The following CIMIP2A variants were observed in gnomAD, a reference collection of about 807,000 sequenced individuals.
CIMIP2A encodes the protein ciliary microtubule inner protein 2A, also known as family with sequence similarity 166 member A.
chr9:137,245,718 G>A, the CIMIP2A span: 3 of 1,603,412 alleles, frequency 1.9e-6, no homozygotes, highest in Non-Finnish European at 1.7e-6. Flanking sequence ...AGTCCTCAAT[G>A]AACTTGGGTT....
At chr9:137,248,218 C>A in the CIMIP2A span, among the ~76,000 whole-genome samples, 540 of 152,248 alleles carry the variant, frequency 3.5e-3, 6 homozygotes, top group African/African-American at 0.012. Flanking sequence ...GAATTTTGTT[C>A]TTTTTTTGTA....
chr9:137,243,845 C>CT, the CIMIP2A span: 1 of 1,573,314 alleles, frequency 6.4e-7, no homozygotes. Context: ...CCAGCATGGG[C>CT]TGGACACCCA....
chr9:137,245,509 A>G, the CIMIP2A span: 2 of 1,613,770 alleles, frequency 1.2e-6, no homozygotes, highest in Non-Finnish European at 1.7e-6. Flanking sequence ...GTCCACCTCC[A>G]AGGGTGGGAG....
the CIMIP2A span, chr9:137,243,890 G>A: frequency 7.7e-7 from 1 of 1,299,980 alleles, no homozygotes; most frequent in African/African-American, 1.5e-5. Context: ...CCTGGGCCCT[G>A]GGTATCTGCT....
At chr9:137,247,160 C>T in the CIMIP2A span, among the ~76,000 whole-genome samples, 1 of 152,194 alleles carries the variant, frequency 6.6e-6, no homozygotes, top group Non-Finnish European at 1.5e-5. Context: ...TGGCAGATGC[C>T]TGTAATCCCA....
At chr9:137,243,816 T>A in the CIMIP2A span, 1 of 1,611,122 alleles carries the variant, frequency 6.2e-7, no homozygotes, top group Non-Finnish European at 8.5e-7. Flanking sequence ...GCAGCTGAGC[T>A]GGGCTTATGT....
At chr9:137,248,034 CCA>C in the CIMIP2A span, among the ~76,000 whole-genome samples, 2 of 152,226 alleles carry the variant, frequency 1.3e-5, no homozygotes, top group South Asian at 2.1e-4. Flanking sequence ...GCCACCAGCC[CCA>C]GTCTCAGGGT....
At chr9:137,247,542 C>T in the CIMIP2A span, 10 of 947,624 alleles carry the variant, frequency 1.1e-5, no homozygotes, top group Non-Finnish European at 1.5e-5. Flanking sequence ...GTGTGGCCTT[C>T]AGTTTCCTGG....
At chr9:137,244,881 G>GGGAAC in the CIMIP2A span, 1 of 1,571,172 alleles carries the variant, frequency 6.4e-7, no homozygotes. Flanking sequence ...GTGGCCAAAT[G>GGGAAC]GGAACAGGCA....
At chr9:137,244,362 G>A in the CIMIP2A span, 1 of 1,603,086 alleles carries the variant, frequency 6.2e-7, no homozygotes, top group Non-Finnish European at 8.5e-7. Flanking sequence ...CCCAGTGGGG[G>A]CCTGGCCGGA....
chr9:137,243,662 C>T, the CIMIP2A span: 10 of 1,613,968 alleles, frequency 6.2e-6, no homozygotes, highest in South Asian at 4.4e-5. Flanking sequence ...TTTCCCTGTC[C>T]ACATCCATGC....
At chr9:137,246,485 CG>C in the CIMIP2A span, among the ~76,000 whole-genome samples, 1 of 152,208 alleles carries the variant, frequency 6.6e-6, no homozygotes. Flanking sequence ...GCCAAAGGGC[CG>C]GGCGCGGTGG....
chr9:137,243,969 G>GT, the CIMIP2A span, among the ~76,000 whole-genome samples: 2 of 152,096 alleles, frequency 1.3e-5, no homozygotes, highest in African/African-American at 4.8e-5. Flanking sequence ...GGCTCGGCCT[G>GT]TGTCTGGGAC....
At chr9:137,251,266 G>A in the CIMIP2A span, 2 of 1,516,258 alleles carry the variant, frequency 1.3e-6, no homozygotes, top group Admixed American at 1.7e-5. Context: ...TGCCGTTGGG[G>A]AAGAGAGCCA....
At chr9:137,245,756 G>A in the CIMIP2A span, 1 of 1,584,218 alleles carries the variant, frequency 6.3e-7, no homozygotes. Context: ...ACAGAGCAGG[G>A]GCTCTTCTGC....
chr9:137,245,910 C>CTTGA, the CIMIP2A span: 17 of 1,371,382 alleles, frequency 1.2e-5, no homozygotes, highest in Non-Finnish European at 1.6e-5. Flanking sequence ...CAGCACTGGG[C>CTTGA]AGGGCCCCTT....
the CIMIP2A span, chr9:137,244,494 C>T: frequency 6.7e-7 from 1 of 1,497,332 alleles, no homozygotes; most frequent in Admixed American, 2.1e-5. Context: ...TGGGGCGGCA[C>T]CTCCGGGGAC....
the CIMIP2A span, among the ~76,000 whole-genome samples, chr9:137,254,404 A>T: frequency 6.7e-6 from 1 of 149,552 alleles, no homozygotes; most frequent in Non-Finnish European, 1.5e-5. Flanking sequence ...TGGGAACAGG[A>T]GCTCTGCTCA....
the CIMIP2A span, chr9:137,251,307 G>A: frequency 4.3e-6 from 7 of 1,612,886 alleles, no homozygotes; most frequent in Middle Eastern, 1.6e-4. Flanking sequence ...CTGACCAGAA[G>A]GCAGTGAAAT....
Sources: gnomAD v4.1 joint callset for allele counts (sites outside exome capture counted in the v4.1 genomes callset) on GRCh38, gnomAD v4.1.1 for gene constraint, MANE v1.5 for transcripts, NCBI Gene and HGNC (gene_info 2026-07-23, HGNC 2026-07-21) for gene names.